The following CDH2 variants were observed in gnomAD, a reference collection of about 807,000 sequenced individuals.
The protein encoded by CDH2 is cadherin 2.
Under a neutral mutation model 92.0 loss-of-function variants are expected in CDH2, and 17 were observed. That is an observed-to-expected ratio of 0.18 (90% CI 0.13 to 0.28). The LOEUF (loss-of-function observed/expected upper bound fraction) is 0.28. Ranked by LOEUF, CDH2 falls within the 10% of genes least tolerant of loss-of-function variation. CDH2 has a pLI of 1.00. For missense variants in CDH2, 862 were observed against 1,133.1 expected (o/e 0.76, Z 3.44); for synonymous variants, 419 against 415.9 (o/e 1.01, Z -0.09).
At chr18:28,092,747 C>T (rs945654368) in intron 2 of CDH2, among the ~76,000 whole-genome samples, 1 of 151,998 alleles carries the variant, frequency 6.6e-6, no homozygotes, top group African/African-American at 2.4e-5. Context: ...TTTTATTTAC[C>T]TTTCTTAAAA....
At chr18:28,071,332 A>T (rs1443944085) in intron 2 of CDH2, among the ~76,000 whole-genome samples, 2 of 152,106 alleles carry the variant, frequency 1.3e-5, no homozygotes, top group East Asian at 3.9e-4. Flanking sequence ...GCTGCTGAGC[A>T]AAAATGCAGG....
At chr18:27,988,097 T>C (rs1418689989) in intron 11 of CDH2, among the ~76,000 whole-genome samples, 1 of 152,176 alleles carries the variant, frequency 6.6e-6, no homozygotes, top group Non-Finnish European at 1.5e-5. Flanking sequence ...CTTATCTCAA[T>C]TTATGCACAA....
chr18:28,174,825 G>T (rs1263845141), intron 1 of CDH2, among the ~76,000 whole-genome samples: 1 of 152,134 alleles, frequency 6.6e-6, no homozygotes, highest in African/African-American at 2.4e-5. Context: ...ACTTTTAGAT[G>T]AAAAAGTTTG....
At chr18:28,065,320 T>A (rs899101981) in intron 2 of CDH2, among the ~76,000 whole-genome samples, 2 of 152,088 alleles carry the variant, frequency 1.3e-5, no homozygotes, top group East Asian at 3.9e-4. Context: ...CTATACAACA[T>A]AACACTCGTA....
intron 2 of CDH2, among the ~76,000 whole-genome samples, chr18:28,089,671 T>C (rs1287933610): frequency 6.6e-6 from 1 of 152,230 alleles, no homozygotes; most frequent in Non-Finnish European, 1.5e-5. Context: ...ATCTAATTTA[T>C]GCATTTCCTA....
Position 27,988,670 on chromosome 18 carries a change from C to A in CDH2, c.1599-4G>T, listed in dbSNP as rs1043980494. 3 of 1,587,248 alleles carry A rather than the reference C, an allele frequency of 1.9e-6. No individual in the cohort carries two copies. Among genetic ancestry groups the A allele is most frequent in the Non-Finnish European group, 2.6e-6 (3 of 1,160,288 alleles). The stretch of plus-strand genomic sequence containing the variant: ...AGGATCAGATAATTTAGTGTATCTA[C>A]AAAATGAAAGTGAAGTTTAATTTCT... On this transcript the variant is annotated splice_polypyrimidine_tract_variant and splice_region_variant and intron_variant, in intron 10 of 15. Transcript: ENST00000269141.
intron 15 of CDH2, among the ~76,000 whole-genome samples, chr18:27,956,534 G>C (rs1449000423): frequency 6.6e-6 from 1 of 152,172 alleles, no homozygotes; most frequent in Non-Finnish European, 1.5e-5. Flanking sequence ...TACAGTCCTA[G>C]TGCCACTGCT....
intron 1 of CDH2, among the ~76,000 whole-genome samples, chr18:28,167,615 G>A (rs17446987): frequency 0.081 from 12,377 of 152,100 alleles, 677 homozygotes; most frequent in Middle Eastern, 0.14. Context: ...ACTGAGGGAC[G>A]GTTAAAATTG....
chr18:28,109,066 C>T (rs1032212712), intron 2 of CDH2, among the ~76,000 whole-genome samples: 3 of 152,092 alleles, frequency 2.0e-5, no homozygotes, highest in South Asian at 2.1e-4. Context: ...CCACAGCCAC[C>T]ATGCCATGGG....
intron 2 of CDH2, among the ~76,000 whole-genome samples, chr18:28,054,830 A>C (rs1029584875): frequency 6.6e-6 from 1 of 152,206 alleles, no homozygotes; most frequent in East Asian, 1.9e-4. Flanking sequence ...CTTTCTTGTC[A>C]TAATCTTTGC....
intron 2 of CDH2, among the ~76,000 whole-genome samples, chr18:28,117,470 T>C (rs1228786721): frequency 6.6e-6 from 1 of 152,072 alleles, no homozygotes; most frequent in African/African-American, 2.4e-5. Flanking sequence ...AGATTTTAAG[T>C]GCTCCTACAA....
At chr18:28,112,161 T>G (rs548880643) in intron 2 of CDH2, among the ~76,000 whole-genome samples, 1 of 152,314 alleles carries the variant, frequency 6.6e-6, no homozygotes, top group South Asian at 2.1e-4. Context: ...AGATAGAGCA[T>G]GAATCACGTC....
At chr18:27,981,186 G>A (rs2012040840) in intron 14 of CDH2, among the ~76,000 whole-genome samples, 1 of 152,094 alleles carries the variant, frequency 6.6e-6, no homozygotes, top group African/African-American at 2.4e-5. Context: ...AAGCCTAATT[G>A]AGCTGGGTTT....
intron 2 of CDH2, among the ~76,000 whole-genome samples, chr18:28,084,780 C>T (rs2014895959): frequency 2.0e-5 from 3 of 152,152 alleles, no homozygotes; most frequent in Admixed American, 2.0e-4. Flanking sequence ...CTGAAAACTT[C>T]TGGGGGAAAA....
intron 7 of CDH2, among the ~76,000 whole-genome samples, chr18:28,000,263 A>G (rs1168217906): frequency 3.3e-5 from 5 of 152,024 alleles, no homozygotes. Context: ...CCACCATGCC[A>G]GCTAATTTTT....
intron 14 of CDH2, among the ~76,000 whole-genome samples, chr18:27,978,374 A>G (rs944577266): frequency 6.6e-6 from 1 of 152,210 alleles, no homozygotes; most frequent in Non-Finnish European, 1.5e-5. Flanking sequence ...AGTACCGCAT[A>G]GAACAGCAGG....
intron 6 of CDH2, among the ~76,000 whole-genome samples, chr18:27,938,465 C>A (rs926205764): frequency 1.3e-5 from 2 of 152,002 alleles, no homozygotes; most frequent in African/African-American, 4.8e-5. Flanking sequence ...ATAGATAATT[C>A]TTATCTCTGA....
intron 2 of CDH2, among the ~76,000 whole-genome samples, chr18:28,105,497 TC>T: frequency 6.6e-6 from 1 of 152,286 alleles, no homozygotes; most frequent in African/African-American, 2.4e-5. Context: ...ATTCCTGCTA[TC>T]ATTTTCAAAA....
At chr18:27,940,824 G>A (rs1452585973) in intron 6 of CDH2, among the ~76,000 whole-genome samples, 1 of 152,098 alleles carries the variant, frequency 6.6e-6, no homozygotes, top group Non-Finnish European at 1.5e-5. Flanking sequence ...CCATTAAGAA[G>A]TCATAATTAC....
Sources: gnomAD v4.1 joint callset for allele counts (sites outside exome capture counted in the v4.1 genomes callset) on GRCh38, gnomAD v4.1.1 for gene constraint, MANE v1.5 for transcripts, NCBI Gene and HGNC (gene_info 2026-07-23, HGNC 2026-07-21) for gene names.